Variants in GSE1 observed in about 807,000 individuals in gnomAD.
The protein encoded by GSE1 is genetic suppressor element 1.
In GSE1, 32 loss-of-function variants were observed where a neutral mutation model predicts 112.6. That is an observed-to-expected ratio of 0.28 (90% confidence interval 0.21 to 0.38). The LOEUF is 0.38. Among genes scored for constraint, GSE1 ranks in the 10% least tolerant of loss-of-function variants. The probability of loss-of-function intolerance (pLI) is 1.00; values close to 1 mark genes in which losing one functional copy is unlikely to be tolerated. For missense variants in GSE1, 2,348 were observed against 1,699.2 expected, an observed-to-expected ratio of 1.38 and a Z score of -6.71; for synonymous variants, 1,115 against 735.6, an observed-to-expected ratio of 1.52 and a Z score of -8.35.
chr16:85,456,014 G>A (rs778837254), intron 2 of GSE1, among the ~76,000 whole-genome samples: 67 of 152,176 alleles, frequency 4.4e-4, no homozygotes, highest in Non-Finnish European at 7.8e-4. Context: ...TTAATGACTT[G>A]CCCCAGGATA....
intron 2 of GSE1, among the ~76,000 whole-genome samples, chr16:85,372,675 C>G (rs1249610219): frequency 2.0e-5 from 3 of 152,128 alleles, no homozygotes; most frequent in African/African-American, 7.2e-5. Flanking sequence ...AGACCATATT[C>G]CTTCTGGGTC....
chr16:85,256,851 A>G (rs535317775), intron 1 of GSE1, among the ~76,000 whole-genome samples: 14 of 152,362 alleles, frequency 9.2e-5, no homozygotes, highest in African/African-American at 2.6e-4. Context: ...TTATATTTCA[A>G]TGAAACGCAA....
intron 2 of GSE1, among the ~76,000 whole-genome samples, chr16:85,420,443 T>C (rs1274509167): frequency 6.6e-6 from 1 of 152,140 alleles, no homozygotes; most frequent in Non-Finnish European, 1.5e-5. Flanking sequence ...GCTTCTGTCT[T>C]GTCCTCCCTC....
chr16:85,175,463 T>C (rs1016291531), intron 1 of GSE1, among the ~76,000 whole-genome samples: 1 of 152,208 alleles, frequency 6.6e-6, no homozygotes. Flanking sequence ...CTGTGTGATG[T>C]TGGGTAAGAC....
chr16:85,566,925 G>T (rs1387567043), intron 1 of GSE1, among the ~76,000 whole-genome samples: 3 of 152,204 alleles, frequency 2.0e-5, no homozygotes, highest in Non-Finnish European at 4.4e-5. Flanking sequence ...ATGGGCAGTA[G>T]GGGGCGGTCA....
chr16:85,648,932 C>G (rs905387703), intron 3 of GSE1, among the ~76,000 whole-genome samples, 181 bp downstream of exon 3: 1 of 152,176 alleles, frequency 6.6e-6, no homozygotes, highest in Non-Finnish European at 1.5e-5. Context: ...CCTGGAGGCC[C>G]TGTGCGGGTG....
At chr16:85,189,621 G>T (rs555454984) in intron 1 of GSE1, among the ~76,000 whole-genome samples, 1 of 152,328 alleles carries the variant, frequency 6.6e-6, no homozygotes, top group South Asian at 2.1e-4. Flanking sequence ...TTAAAAACCT[G>T]TTCCAGTTGG....
chr16:85,262,088 A>G (rs1181003903), intron 1 of GSE1, among the ~76,000 whole-genome samples: 1 of 152,186 alleles, frequency 6.6e-6, no homozygotes, highest in Non-Finnish European at 1.5e-5. Flanking sequence ...CCAGACTCTT[A>G]ACCACTTCAC....
chr16:85,171,691 G>A (rs1403188811), exon 1 of GSE1: 5 of 985,608 alleles, frequency 5.1e-6, no homozygotes, highest in Non-Finnish European at 6.0e-6. Flanking sequence ...GGTGGATGAC[G>A]GACAGCAGCT....
intron 1 of GSE1, among the ~76,000 whole-genome samples, chr16:85,633,516 TGAG>T (rs1269918313): frequency 4.6e-5 from 7 of 152,198 alleles, no homozygotes; most frequent in Admixed American, 4.6e-4. Context: ...GTTTCTATCC[TGAG>T]GATGCGGGCC....
At chr16:85,193,433 C>G (rs763609097) in intron 1 of GSE1, among the ~76,000 whole-genome samples, 75 of 151,622 alleles carry the variant, frequency 4.9e-4, no homozygotes, top group Non-Finnish European at 1.0e-3. Flanking sequence ...CTTTGAACTC[C>G]TGGGCTCACC....
In GSE1 at chr16:85,661,147, C is replaced by T. The variant is rs1205572980; in HGVS notation, c.1642C>T (p.Pro548Ser). ...AEHRPESTTR[P>S]GPNRHEPGGR... is the part of the protein sequence containing the mutation. ...TGAAGGGTTGGTTTCACTCCCTAGG[C>T]CAGGACCAAACCGTCACGAGCCAGG... The change falls in exon 9 of 16, where the codon CCA becomes TCA. Residue 548 changes from proline (P) to serine (S), a missense_variant and splice_region_variant. Coordinates refer to ENST00000253458, the MANE Select transcript of GSE1 (RefSeq NM_014615.5). The T allele has an allele frequency of 1.3e-6, 2 of 1,581,174 alleles. No homozygotes were observed. Among genetic ancestry groups the T allele is most frequent in the African/African-American group, 2.7e-5 (2 of 74,290 alleles).
At chr16:85,663,153 C>A in intron 10 of GSE1, 60 bp downstream of exon 10, 1 of 1,297,196 alleles carries the variant, frequency 7.7e-7, no homozygotes, top group Non-Finnish European at 1.1e-6. Flanking sequence ...CTAGCGTCCA[C>A]ACCCTGCAGT....
intron 1 of GSE1, among the ~76,000 whole-genome samples, chr16:85,187,891 T>C (rs149630004): frequency 1.3e-5 from 2 of 152,258 alleles, no homozygotes; most frequent in Admixed American, 6.5e-5. Flanking sequence ...GAGGCCCCAC[T>C]CAAAGGCCGT....
upstream of GSE1, among the ~76,000 whole-genome samples, chr16:85,610,558 C>G (rs1037020849): frequency 2.6e-5 from 4 of 152,224 alleles, no homozygotes; most frequent in African/African-American, 9.6e-5. Flanking sequence ...AGGCCGTGCT[C>G]CGGATTACTA....
chr16:85,575,740 G>A (rs1374401228), intron 1 of GSE1, among the ~76,000 whole-genome samples: 1 of 152,102 alleles, frequency 6.6e-6, no homozygotes, highest in Non-Finnish European at 1.5e-5. Flanking sequence ...AAAGCAGGTT[G>A]AACTGTCATT....
At chr16:85,368,945 G>T (rs11646622) in intron 2 of GSE1, among the ~76,000 whole-genome samples, 4 of 152,112 alleles carry the variant, frequency 2.6e-5, no homozygotes, top group Non-Finnish European at 5.9e-5. Flanking sequence ...CCAAGCAGCT[G>T]CTGTGAGTCG....
chr16:85,611,995 C>T (rs946546983), upstream of GSE1, among the ~76,000 whole-genome samples: 14 of 152,112 alleles, frequency 9.2e-5, 1 homozygote, highest in African/African-American at 3.4e-4. Context: ...ACCCGCACCG[C>T]AGCGCAGCGC....
intron 2 of GSE1, among the ~76,000 whole-genome samples, chr16:85,527,270 C>T (rs929542882): frequency 2.0e-5 from 3 of 152,336 alleles, no homozygotes; most frequent in Admixed American, 6.5e-5. Flanking sequence ...CCTGTGCACA[C>T]GCGCGTGTTA....
Sources: allele counts gnomAD v4.1 joint callset (sites outside exome capture counted in the v4.1 genomes callset), GRCh38; gene constraint gnomAD v4.1.1; transcripts MANE v1.5; gene names NCBI Gene and HGNC (gene_info 2026-07-23, HGNC 2026-07-21).